JAKMIP1: variants seen among roughly 807,000 people sequenced by gnomAD.
JAKMIP1 encodes janus kinase and microtubule-interacting protein 1.
In JAKMIP1, 33 loss-of-function variants were observed where a neutral mutation model predicts 113.0. The observed-to-expected ratio is 0.29, with a 90% CI of 0.22 to 0.39. The LOEUF (loss-of-function observed/expected upper bound fraction) is 0.39, where lower values mean the gene tolerates loss of function less well. Among genes scored for constraint, JAKMIP1 ranks in the 10% least tolerant of loss-of-function variants. JAKMIP1 has a pLI of 1.00. For synonymous variants in JAKMIP1, 480 were observed against 459.9 expected (o/e 1.04, Z -0.56); for missense variants, 813 against 1,080.5 (o/e 0.75, Z 3.47).
intron 2 of JAKMIP1, among the ~76,000 whole-genome samples, chr4:6,109,196 G>A (rs1162458261): frequency 4.3e-5 from 6 of 138,216 alleles, no homozygotes; most frequent in African/African-American, 1.1e-4. Context: ...GCAGTGGCAC[G>A]ATCTTGGCTC....
Position 6,178,522 on chromosome 4 carries a change from A to G in JAKMIP1, c.-148+21731T>C, listed in dbSNP as rs1371804696. Among the ~76,000 whole-genome samples the G allele has an allele frequency of 1.3e-5, 2 of 152,210 alleles. No individual in the cohort carries two copies. The highest frequency in any genetic ancestry group is 2.9e-5 in the Non-Finnish European group (2 of 67,996). On this transcript the variant is annotated intron_variant, in intron 1 of 20. Coordinates refer to ENST00000409021, the MANE Select transcript of JAKMIP1 (RefSeq NM_001099433.2). The surrounding 1 kb of genome is among the most constrained non-coding windows in gnomAD (Gnocchi z 5.5). ...TGTGGGTGTGTTTGGTGGGGAATTG[A>G]AGTAGGTGGTTTTCTGATGATATTG... is the stretch of plus-strand genomic sequence containing the variant.
intron 1 of JAKMIP1, among the ~76,000 whole-genome samples, chr4:6,133,328 G>A (rs1001795623): frequency 2.6e-5 from 4 of 152,104 alleles, no homozygotes; most frequent in East Asian, 3.9e-4. Context: ...CTTAGAAGAC[G>A]TACAACCATA....
chr4:6,188,924 C>T lies in JAKMIP1; in HGVS notation c.-148+11329G>A, dbSNP rs1031036615. Among the ~76,000 whole-genome samples the T allele has an allele frequency of 1.3e-5, 2 of 152,156 alleles. No homozygotes were observed. Among genetic ancestry groups the T allele is most frequent in the African/African-American group, 2.4e-5 (1 of 41,428 alleles). ...AGGCACAATGTGGGGGCATCCAGGC[C>T]CTTTTTCAAAATAAGATATCTGGTT... On this transcript the variant is annotated intron_variant, in intron 1 of 20. Transcript: ENST00000409021. This position sits in a 1 kb window ranked among gnomAD's most constrained non-coding sequence, Gnocchi z 5.8.
rs71984154 is a variant in JAKMIP1 at position 6,139,055 on chromosome 4, A to AACACACACACAC, written c.-147-26070_-147-26059dup. Among the ~76,000 whole-genome samples, 1 of 103,422 alleles carries AACACACACACAC rather than the reference A, an allele frequency of 9.7e-6. No homozygotes were observed. Among genetic ancestry groups the AACACACACACAC allele is most frequent in the Admixed American group, 1.1e-4 (1 of 9,280 alleles). 67.8% of individuals were successfully genotyped at this position (103,422 alleles called of 152,430 possible). A position where few individuals can be genotyped will look rare whatever the true frequency, so the allele number is the denominator to read the frequency against. ...ATTGTTTGCATGTGACATCATTAGA[A>AACACACACACAC]ACACACACACACACACACACACACA... On this transcript the variant is annotated intron_variant, in intron 1 of 20. Coordinates refer to ENST00000409021, the MANE Select transcript of JAKMIP1 (RefSeq NM_001099433.2). The surrounding 1 kb of genome is among the most constrained non-coding windows in gnomAD (Gnocchi z 5.2).
At chr4:6,163,677 G>A (rs192258804) in intron 1 of JAKMIP1, among the ~76,000 whole-genome samples, 17 of 152,342 alleles carry the variant, frequency 1.1e-4, no homozygotes, top group Admixed American at 1.0e-3. Flanking sequence ...TGAAAGCTAG[G>A]CCTCTTGCAC....
At position 6,193,153 on chromosome 4, in the gene JAKMIP1, G is replaced by A. The variant is rs928768320; in HGVS notation, c.-148+7100C>T. 2.6e-5 allele frequency among the ~76,000 whole-genome samples: 4 copies of A among 152,222 alleles called. No homozygotes were observed. Among genetic ancestry groups the A allele is most frequent in the Non-Finnish European group, 2.9e-5 (2 of 68,024 alleles). ...CCCATGCTGGATGCTTCCTGCCCTC[G>A]GACATCAGACTGCAAGTTCTTCAGC... On this transcript the variant is annotated intron_variant, in intron 1 of 20. Transcript: ENST00000409021. The surrounding 1 kb of genome is among the most constrained non-coding windows in gnomAD (Gnocchi z 6.4).
At chr4:6,144,896 A>C (rs1720644426) in intron 1 of JAKMIP1, among the ~76,000 whole-genome samples, 1 of 152,224 alleles carries the variant, frequency 6.6e-6, no homozygotes, top group African/African-American at 2.4e-5. Flanking sequence ...AGGCAAGAAA[A>C]AGAAATAAAA....
Position 6,080,445 on chromosome 4 carries a change from A to G in JAKMIP1, c.1102-133T>C, listed in dbSNP as rs1405178015. 9 of 1,128,062 alleles carry G rather than the reference A, an allele frequency of 8.0e-6. No homozygotes were observed. The East Asian group carries it at 2.3e-4, about 29-fold the overall frequency. 69.9% of individuals were successfully genotyped at this position (1,128,062 alleles called of 1,614,324 possible). On this transcript the variant is annotated intron_variant, in intron 6 of 20. Transcript: ENST00000409021. This position sits in a 1 kb window ranked among gnomAD's most constrained non-coding sequence, Gnocchi z 6.0. ...AGGATGAAAGAGATGATGGCCTGAT[A>G]TGGTTTGGCTGTGTCCCCACCCAAA... is the stretch of plus-strand genomic sequence containing the variant.
At position 6,088,914 on chromosome 4, in the gene JAKMIP1, C is replaced by A. The variant is rs6845360; in HGVS notation, c.625-3285G>T. Among the ~76,000 whole-genome samples, 1 of 152,138 alleles carries A rather than the reference C, an allele frequency of 6.6e-6. No homozygotes were observed. Among genetic ancestry groups the A allele is most frequent in the African/African-American group, 2.4e-5 (1 of 41,422 alleles). On this transcript the variant is annotated intron_variant, in intron 3 of 20. Coordinates refer to ENST00000409021, the MANE Select transcript of JAKMIP1 (RefSeq NM_001099433.2). This position sits in a 1 kb window ranked among gnomAD's most constrained non-coding sequence, Gnocchi z 5.5. ...CATGTGCAGTAGGAAAGGGGTGGAA[C>A]GAACATCACTGCAAGTTCCCAGGGC...
At chr4:6,058,626 C>T (rs1716809493) in intron 11 of JAKMIP1, among the ~76,000 whole-genome samples, 1 of 152,232 alleles carries the variant, frequency 6.6e-6, no homozygotes, top group South Asian at 2.1e-4. Flanking sequence ...CCAATGGAGA[C>T]AGGACACAGC....
rs1263801987 is a variant in JAKMIP1, at chr4:6,192,058, G to A, written c.-148+8195C>T. ...AGCTATTCTCCTGCCTCAGCCTCCC[G>A]AGTAGTTGGGATTACAGGCGTGTGC... On this transcript the variant is annotated intron_variant, in intron 1 of 20. Coordinates refer to ENST00000409021, the MANE Select transcript of JAKMIP1 (RefSeq NM_001099433.2). The surrounding 1 kb of genome is among the most constrained non-coding windows in gnomAD (Gnocchi z 5.0). Among the ~76,000 whole-genome samples the A allele has an allele frequency of 1.3e-5, 2 of 151,764 alleles. No homozygotes were observed. The highest frequency in any genetic ancestry group is 2.4e-5 in the African/African-American group (1 of 41,288).
intron 1 of JAKMIP1, among the ~76,000 whole-genome samples, chr4:6,120,330 C>T (rs1255488240): frequency 6.6e-6 from 1 of 152,148 alleles, no homozygotes; most frequent in Non-Finnish European, 1.5e-5. Flanking sequence ...CTACCCCAGG[C>T]GCAGTAATAT....
intron 3 of JAKMIP1, among the ~76,000 whole-genome samples, chr4:6,103,832 C>T (rs1445470633): frequency 1.3e-5 from 2 of 152,084 alleles, no homozygotes; most frequent in Non-Finnish European, 2.9e-5. Flanking sequence ...TGTGGTATTT[C>T]CCCCTTTACA....
rs968078939 is a variant in JAKMIP1, at chr4:6,093,200, G to C, written c.625-7571C>G. 6.6e-6 allele frequency among the ~76,000 whole-genome samples: 1 copy of C among 152,100 alleles called. No homozygotes were observed. The highest frequency in any genetic ancestry group is 6.5e-5 in the Admixed American group (1 of 15,280). ...GACTCCTGCATCTACCCACAGAAGT[G>C]ATCACATCCTCTTCTTTGTTGCTGC... is the stretch of plus-strand genomic sequence containing the variant. On this transcript the variant is annotated intron_variant, in intron 3 of 20. Coordinates refer to ENST00000409021, the MANE Select transcript of JAKMIP1 (RefSeq NM_001099433.2). The surrounding 1 kb of genome is among the most constrained non-coding windows in gnomAD (Gnocchi z 4.6).
At chr4:6,027,287 T>C (rs977242822) in intron 20 of JAKMIP1, among the ~76,000 whole-genome samples, 4 of 152,160 alleles carry the variant, frequency 2.6e-5, no homozygotes, top group African/African-American at 9.7e-5. Context: ...CTCCCTATAT[T>C]ATTTATTGGA....
Position 6,167,162 on chromosome 4 carries a change from C to T in JAKMIP1, c.-148+33091G>A, listed in dbSNP as rs1265302792. On this transcript the variant is annotated intron_variant, in intron 1 of 20. Transcript: ENST00000409021. This position sits in a 1 kb window ranked among gnomAD's most constrained non-coding sequence, Gnocchi z 5.3. The stretch of plus-strand genomic sequence containing the variant: ...CCTAGACCTGCTCCTCCTTCCAGGG[C>T]CCTGCCTCCGCAAAGAGCACGATGT... Among the ~76,000 whole-genome samples the T allele has an allele frequency of 6.6e-6, 1 of 152,164 alleles. No homozygotes were observed. Among genetic ancestry groups the T allele is most frequent in the Non-Finnish European group, 1.5e-5 (1 of 68,034 alleles).
At chr4:6,032,938 C>T (rs1002603868) in intron 19 of JAKMIP1, among the ~76,000 whole-genome samples, 2 of 152,190 alleles carry the variant, frequency 1.3e-5, no homozygotes, top group African/African-American at 2.4e-5. Context: ...GCATTGCCAT[C>T]GTGAATTGTC....
intron 3 of JAKMIP1, 84 bp from the exon 4 acceptor site, chr4:6,085,713 G>A: frequency 1.5e-6 from 2 of 1,305,110 alleles, no homozygotes; most frequent in Non-Finnish European, 2.2e-6. Context: ...TTCGGCCCAG[G>A]GAAAGGTCAA....
chr4:6,049,713 C>G lies in JAKMIP1; in HGVS notation c.1962+106G>C. On this transcript the variant is annotated intron_variant, in intron 15 of 20. Transcript: ENST00000409021. The surrounding 1 kb of genome is among the most constrained non-coding windows in gnomAD (Gnocchi z 7.0). ...AAGCCTTACATTGTACTTCTTAGAT[C>G]TCTTACATCAGAGAGAAATTAAAAA... 1.2e-6 allele frequency: 1 copy of G among 842,562 alleles called. No individual in the cohort carries two copies. Among genetic ancestry groups the G allele is most frequent in the Non-Finnish European group, 2.0e-6 (1 of 511,436 alleles). The allele number at this position is 842,562 out of a possible 1,614,324, so 52.2% of individuals were successfully genotyped here.
Sources: gnomAD v4.1 joint callset for allele counts (sites outside exome capture counted in the v4.1 genomes callset) on GRCh38, gnomAD v4.1.1 for gene constraint, Gnocchi (gnomAD v3.1) non-coding constraint, MANE v1.5 for transcripts, NCBI Gene and HGNC (gene_info 2026-07-23, HGNC 2026-07-21) for gene names.